The following SH3GL3 variants were observed in gnomAD, a reference collection of about 807,000 sequenced individuals.
SH3GL3 encodes endophilin-A3.
In SH3GL3, 33 loss-of-function variants were observed where a neutral mutation model predicts 47.7. The ratio of observed to expected loss-of-function variants is 0.69; its 90% CI spans 0.52 to 0.92. The LOEUF is 0.92. Among genes scored for constraint, SH3GL3 ranks in the 40% least tolerant of loss-of-function variants. The pLI is 0.00. For missense variants in SH3GL3, 363 were observed against 417.8 expected (o/e 0.87, Z 1.14); for synonymous variants, 155 against 148.8 (o/e 1.04, Z -0.30).
At chr15:83,450,185 T>A (rs1026389737) in intron 1 of SH3GL3, among the ~76,000 whole-genome samples, 23 of 152,176 alleles carry the variant, frequency 1.5e-4, no homozygotes, top group African/African-American at 5.3e-4. Context: ...GTTATAAAAA[T>A]GATTGTGGCA....
intron 1 of SH3GL3, among the ~76,000 whole-genome samples, chr15:83,545,639 G>T (rs1337200256): frequency 6.6e-6 from 1 of 152,134 alleles, no homozygotes; most frequent in African/African-American, 2.4e-5. Context: ...CACAATCTGG[G>T]CTTGTTTATA....
At position 83,448,106 on chromosome 15, in the gene SH3GL3, C is replaced by T. The variant is rs2039535711; in HGVS notation, c.45+528C>T. Among the ~76,000 whole-genome samples the T allele has an allele frequency of 6.6e-6, 1 of 152,172 alleles. No homozygotes were observed. The highest frequency in any genetic ancestry group is 1.5e-5 in the Non-Finnish European group (1 of 68,040). ...ATGGCCCCGTCTGGACTGTGCCCGG[C>T]TCCCCGGCTGGGGCTCTCTACCGCG... On this transcript the variant is annotated intron_variant, in intron 1 of 8. Transcript: ENST00000427482. This position sits in a 1 kb window ranked among gnomAD's most constrained non-coding sequence, Gnocchi z 4.2.
At chr15:83,471,554 C>T (rs901799444) in intron 1 of SH3GL3, among the ~76,000 whole-genome samples, 31 of 152,316 alleles carry the variant, frequency 2.0e-4, no homozygotes, top group African/African-American at 7.2e-4. Context: ...AAAGCAGATG[C>T]CTAGCTGTAG....
At chr15:83,467,752 T>A (rs533953207) in intron 1 of SH3GL3, among the ~76,000 whole-genome samples, 1 of 152,222 alleles carries the variant, frequency 6.6e-6, no homozygotes. Flanking sequence ...ATCGTGTGCA[T>A]GTTTTATTAA....
At chr15:83,556,376 T>G (rs372347497) in intron 1 of SH3GL3, among the ~76,000 whole-genome samples, 11 of 152,250 alleles carry the variant, frequency 7.2e-5, no homozygotes, top group Non-Finnish European at 1.6e-4. Flanking sequence ...CAGAAACGAA[T>G]GATCATGACT....
chr15:83,576,214 G>T (rs2059672201), intron 5 of SH3GL3, among the ~76,000 whole-genome samples: 1 of 152,156 alleles, frequency 6.6e-6, no homozygotes, highest in Non-Finnish European at 1.5e-5. Context: ...TGTTCCTACT[G>T]TGTTTTGTTT....
At chr15:83,617,963 T>A in intron 8 of SH3GL3, 119 bp from the exon 9 acceptor site, 4 of 694,888 alleles carry the variant, frequency 5.8e-6, no homozygotes, top group Non-Finnish European at 1.0e-5. Context: ...GAGCTGGCCT[T>A]GTGGGAAGGA....
intron 1 of SH3GL3, among the ~76,000 whole-genome samples, chr15:83,550,709 C>A (rs879054832): frequency 6.6e-6 from 1 of 152,084 alleles, no homozygotes; most frequent in Admixed American, 6.6e-5. Context: ...CATTTTAAAG[C>A]CTCTGAAAAT....
At chr15:83,554,798 C>A (rs1178395579) in intron 1 of SH3GL3, among the ~76,000 whole-genome samples, 1 of 152,088 alleles carries the variant, frequency 6.6e-6, no homozygotes, top group Non-Finnish European at 1.5e-5. Flanking sequence ...ATGTTTTTTC[C>A]CCTGCGATAG....
intron 1 of SH3GL3, among the ~76,000 whole-genome samples, chr15:83,508,682 A>T (rs1253248281): frequency 1.3e-5 from 2 of 151,940 alleles, no homozygotes; most frequent in Non-Finnish European, 2.9e-5. Context: ...GGTTCAAGCG[A>T]TTCTCGTGCC....
chr15:83,592,285 G>T (rs763425408), intron 8 of SH3GL3, among the ~76,000 whole-genome samples: 2 of 151,966 alleles, frequency 1.3e-5, no homozygotes, highest in Non-Finnish European at 2.9e-5. Flanking sequence ...CACTATTTTT[G>T]TTAAATAAAT....
In SH3GL3 at chr15:83,517,106, T is replaced by A. The variant is rs193213764; in HGVS notation, c.46-42147T>A. On this transcript the variant is annotated intron_variant, in intron 1 of 8. Coordinates refer to ENST00000427482, the MANE Select transcript of SH3GL3 (RefSeq NM_003027.5). ...TTATACATGTCTCCTAGAAGACTTG[T>A]ATCTAAAAATAGAATTGATGTGTCA... 1.0e-3 allele frequency among the ~76,000 whole-genome samples: 153 copies of A among 152,230 alleles called. 7 individuals are homozygous for A. The South Asian group carries it at 0.028, about 27-fold the overall frequency.
At chr15:83,627,753 T>C in the SH3GL3 span, among the ~76,000 whole-genome samples, 5 of 152,310 alleles carry the variant, frequency 3.3e-5, no homozygotes, top group South Asian at 1.0e-3. Context: ...AAACAGAGAA[T>C]GGTGCCTTAG....
chr15:83,592,957 G>A (rs188007944), intron 8 of SH3GL3, among the ~76,000 whole-genome samples: 5 of 152,112 alleles, frequency 3.3e-5, no homozygotes, highest in Admixed American at 2.6e-4. Context: ...ACAGTTCTGG[G>A]GCCTCATCCA....
At chr15:83,582,945 C>T (rs1471777678) in intron 6 of SH3GL3, among the ~76,000 whole-genome samples, 2 of 152,136 alleles carry the variant, frequency 1.3e-5, no homozygotes, top group African/African-American at 2.4e-5. Flanking sequence ...GCTTTTGCCC[C>T]ATTGGAAAAG....
chr15:83,630,145 C>T, the SH3GL3 span, among the ~76,000 whole-genome samples: 34 of 152,288 alleles, frequency 2.2e-4, 1 homozygote, highest in Admixed American at 1.0e-3. Context: ...ATTTGCGTTC[C>T]GCCGTGATTG....
chr15:83,530,629 A>G (rs2043627997), intron 1 of SH3GL3, among the ~76,000 whole-genome samples: 1 of 151,242 alleles, frequency 6.6e-6, no homozygotes, highest in Admixed American at 6.6e-5. Flanking sequence ...TTTTTTTTTA[A>G]TAAGAGGATT....
intron 1 of SH3GL3, among the ~76,000 whole-genome samples, chr15:83,517,781 T>C (rs1156311203): frequency 2.0e-5 from 3 of 152,160 alleles, no homozygotes; most frequent in Non-Finnish European, 2.9e-5. Flanking sequence ...AGGGGGTACA[T>C]GTGCAGGTTT....
At chr15:83,530,291 A>G (rs1030247849) in intron 1 of SH3GL3, among the ~76,000 whole-genome samples, 5 of 152,048 alleles carry the variant, frequency 3.3e-5, no homozygotes, top group African/African-American at 1.2e-4. Flanking sequence ...GCCCAGGAGG[A>G]TAGAGAGGCT....
Sources: allele counts gnomAD v4.1 joint callset (sites outside exome capture counted in the v4.1 genomes callset), GRCh38; gene constraint gnomAD v4.1.1; non-coding constraint Gnocchi (gnomAD v3.1); transcripts MANE v1.5; gene names NCBI Gene and HGNC (gene_info 2026-07-23, HGNC 2026-07-21).